Variants in PLXNA4 observed in about 807,000 individuals in gnomAD.
The protein encoded by PLXNA4 is plexin-A4.
Under a neutral mutation model 191.8 loss-of-function variants are expected in PLXNA4, and 44 were observed. The ratio of observed to expected loss-of-function variants is 0.23; its 90% CI spans 0.18 to 0.29. The LOEUF is 0.29. Ranked by LOEUF, PLXNA4 falls within the 10% of genes least tolerant of loss-of-function variation. The probability of loss-of-function intolerance (pLI) is 1.00; values close to 1 mark genes in which losing one functional copy is unlikely to be tolerated. For synonymous variants in PLXNA4, 1,082 were observed against 1,009.5 expected, an observed-to-expected ratio of 1.07 and a Z score of -1.36; for missense variants, 1,800 against 2,488.8, an observed-to-expected ratio of 0.72 and a Z score of 5.89.
chr7:132,410,791 C>G (rs1794426155), intron 3 of PLXNA4, among the ~76,000 whole-genome samples: 1 of 152,194 alleles, frequency 6.6e-6, no homozygotes, highest in Admixed American at 6.5e-5. Flanking sequence ...TGCCACAAAC[C>G]TGCCTCGACT....
intron 1 of PLXNA4, among the ~76,000 whole-genome samples, chr7:132,540,126 A>C (rs1010327152): frequency 5.7e-4 from 87 of 152,164 alleles, no homozygotes; most frequent in African/African-American, 2.0e-3. Context: ...ATAATGAAGA[A>C]GCATCCTACT....
intron 1 of PLXNA4, among the ~76,000 whole-genome samples, chr7:132,530,379 A>G (rs528600139): frequency 2.0e-5 from 3 of 152,380 alleles, no homozygotes; most frequent in South Asian, 2.1e-4. Context: ...TCTAATATCC[A>G]GAATATATAA....
chr7:132,246,155 T>TA (rs1799042784), intron 4 of PLXNA4, among the ~76,000 whole-genome samples: 1 of 152,224 alleles, frequency 6.6e-6, no homozygotes, highest in South Asian at 2.1e-4. Context: ...TATTTCATCT[T>TA]CGGCATGGCA....
chr7:132,293,351 C>T (rs1023872365), intron 4 of PLXNA4, among the ~76,000 whole-genome samples: 8 of 152,312 alleles, frequency 5.3e-5, no homozygotes, highest in Middle Eastern at 6.8e-3. Context: ...ACAATCACAT[C>T]TTACATGGCG....
rs148938630 is a variant in PLXNA4, at chr7:132,262,854, G to C, written c.1504-21688C>G. Among the ~76,000 whole-genome samples the C allele has an allele frequency of 3.3e-5, 5 of 152,000 alleles. No individual in the cohort carries two copies. In the South Asian group the frequency reaches 1.0e-3, roughly 32 times the overall value. ...TGCCAGTCCCTAGAGACCACTTGTC[G>C]TTCATGACTCCCTAAGGTCAGTGGT... is the stretch of plus-strand genomic sequence containing the variant. On this transcript the variant is annotated intron_variant, in intron 4 of 31. Transcript: ENST00000321063.
intron 3 of PLXNA4, among the ~76,000 whole-genome samples, chr7:132,401,361 G>A (rs1002732956): frequency 1.3e-4 from 20 of 152,204 alleles, no homozygotes; most frequent in Non-Finnish European, 1.0e-4. Flanking sequence ...AATGGGACTA[G>A]GTTGCAGCCT....
intron 4 of PLXNA4, among the ~76,000 whole-genome samples, chr7:132,255,758 A>G (rs1426186774): frequency 6.6e-6 from 1 of 152,176 alleles, no homozygotes; most frequent in African/African-American, 2.4e-5. Context: ...CAGCCCCAGA[A>G]CTTTCCAACC....
chr7:132,563,468 CCTCCTTCTGCTG>C, intron 1 of PLXNA4, among the ~76,000 whole-genome samples: 1 of 109,236 alleles, frequency 9.2e-6, no homozygotes, highest in Non-Finnish European at 1.9e-5. Flanking sequence ...TTCTCCTCCT[CCTCCTTCTGCTG>C]CTCCTCCTCC....
At chr7:132,241,443 TAC>T (rs1483628880) in intron 4 of PLXNA4, among the ~76,000 whole-genome samples, 2 of 152,224 alleles carry the variant, frequency 1.3e-5, no homozygotes, top group Non-Finnish European at 2.9e-5. Context: ...AAAAGATATT[TAC>T]ACAGTGTTCA....
At chr7:132,322,634 A>T (rs947403998) in intron 3 of PLXNA4, among the ~76,000 whole-genome samples, 2 of 152,076 alleles carry the variant, frequency 1.3e-5, no homozygotes, top group African/African-American at 4.8e-5. Flanking sequence ...CTAGTTTCAA[A>T]CCCCAAAAAG....
Position 132,124,184 on chromosome 7 carries a change from A to C in PLXNA4, c.*6295T>G, listed in dbSNP as rs1794709036. On this transcript the variant is annotated 3_prime_UTR_variant, in exon 32 of 32. Coordinates refer to ENST00000321063, the MANE Select transcript of PLXNA4 (RefSeq NM_020911.2). ...TGGTGAGGGGAGGGCTGTCCATTCT[A>C]AAACACAAAATCGTTGGTTTCCGAA... 6.6e-6 allele frequency: 1 copy of C among 152,234 alleles called. No individual in the cohort carries two copies. The highest frequency in any genetic ancestry group is 6.5e-5 in the Admixed American group (1 of 15,286). The allele number at this position is 152,234 out of a possible 1,614,324, so 9.4% of individuals were successfully genotyped here.
chr7:132,562,972 CCCTCCTCCTCCTTCT>C (rs1585347501), intron 1 of PLXNA4, among the ~76,000 whole-genome samples: 1 of 41,736 alleles, frequency 2.4e-5, no homozygotes, highest in Non-Finnish European at 4.4e-5. Context: ...CTCCTCCTCT[CCCTCCTCCTCCTTCT>C]CCTCCTCCTC....
At chr7:132,282,957 GCCTCGATCTCCTGGGCTCAAGTGAT>G (rs1327411369) in intron 4 of PLXNA4, among the ~76,000 whole-genome samples, 1 of 151,996 alleles carries the variant, frequency 6.6e-6, no homozygotes, top group African/African-American at 2.4e-5. Context: ...GCTCACTGCA[GCCTCGATCTCCTGGGCTCAAGTGAT>G]CCTCCCACCT....
intron 3 of PLXNA4, among the ~76,000 whole-genome samples, chr7:132,473,107 T>A (rs1418337483): frequency 6.6e-6 from 1 of 152,090 alleles, no homozygotes; most frequent in African/African-American, 2.4e-5. Flanking sequence ...TTACTGAAAA[T>A]AAGACCAAAT....
At chr7:132,603,878 T>C (rs1423592080) in intron 2 of PLXNA4, among the ~76,000 whole-genome samples, 9 of 152,112 alleles carry the variant, frequency 5.9e-5, no homozygotes, top group African/African-American at 2.2e-4. Flanking sequence ...TCACTTAATT[T>C]GGGGCGGGGT....
chr7:132,335,695 T>C (rs377374459), intron 3 of PLXNA4, among the ~76,000 whole-genome samples: 3 of 152,338 alleles, frequency 2.0e-5, no homozygotes, highest in East Asian at 3.9e-4. Flanking sequence ...GAATATGAGT[T>C]CATGGCATCT....
intron 3 of PLXNA4, among the ~76,000 whole-genome samples, chr7:132,430,253 C>T (rs1795210002): frequency 6.6e-6 from 1 of 152,174 alleles, no homozygotes; most frequent in Admixed American, 6.5e-5. Context: ...CAGACACATA[C>T]AGACATCAAG....
At chr7:132,475,476 G>C (rs1050769241) in intron 3 of PLXNA4, among the ~76,000 whole-genome samples, 2 of 152,106 alleles carry the variant, frequency 1.3e-5, no homozygotes, top group African/African-American at 4.8e-5. Context: ...ATCTACCCTT[G>C]ATGCCAGGAA....
intron 3 of PLXNA4, among the ~76,000 whole-genome samples, chr7:132,483,958 G>A (rs1477635989): frequency 6.6e-6 from 1 of 151,746 alleles, no homozygotes; most frequent in African/African-American, 2.4e-5. Context: ...TCAGCAAGGA[G>A]GGACCACTTG....
Sources: gnomAD v4.1 joint callset for allele counts (sites outside exome capture counted in the v4.1 genomes callset) on GRCh38, gnomAD v4.1.1 for gene constraint, MANE v1.5 for transcripts, NCBI Gene and HGNC (gene_info 2026-07-23, HGNC 2026-07-21) for gene names.